AHRR: variants seen among roughly 807,000 people sequenced by gnomAD.
AHRR encodes the protein ahR repressor.
Under a neutral mutation model 44.0 loss-of-function variants are expected in AHRR, and 28 were observed. The observed-to-expected ratio is 0.64, with a 90% CI of 0.47 to 0.87. The LOEUF (loss-of-function observed/expected upper bound fraction) is 0.87. Ranked by LOEUF, AHRR falls within the 40% of genes least tolerant of loss-of-function variation. The pLI, the probability that AHRR is intolerant of heterozygous loss-of-function variation, is 0.00. For synonymous variants in AHRR, 434 were observed against 407.0 expected (o/e 1.07, Z -0.80); for missense variants, 990 against 953.9 (o/e 1.04, Z -0.50).
Position 370,539 on chromosome 5 carries a change from G to A in AHRR, c.245-6071G>A, listed in dbSNP as rs987858857. On this transcript the variant is annotated intron_variant, in intron 3 of 10. Transcript: ENST00000684583. This position sits in a 1 kb window ranked among gnomAD's most constrained non-coding sequence, Gnocchi z 4.5. The stretch of plus-strand genomic sequence containing the variant: ...GGTCATCCGCCACCCCCAGGACCCT[G>A]AGAGTCTCACAGTGGGTGCAGCCCC... Among the ~76,000 whole-genome samples the A allele has an allele frequency of 6.6e-6, 1 of 152,200 alleles. No individual in the cohort carries two copies. The highest frequency in any genetic ancestry group is 2.4e-5 in the African/African-American group (1 of 41,452).
chr5:420,390 G>A (rs1456534273), intron 5 of AHRR, among the ~76,000 whole-genome samples: 3 of 149,606 alleles, frequency 2.0e-5, no homozygotes. Context: ...GCTGGGAGGA[G>A]TGCGGACTCC....
intron 4 of AHRR, among the ~76,000 whole-genome samples, chr5:377,388 C>T (rs1014256716): frequency 1.3e-5 from 2 of 152,186 alleles, no homozygotes; most frequent in Non-Finnish European, 2.9e-5. Context: ...GCTGGAGAGA[C>T]ATGGGCCCTG....
At chr5:365,301 T>A (rs945516566) in intron 3 of AHRR, among the ~76,000 whole-genome samples, 1 of 152,156 alleles carries the variant, frequency 6.6e-6, no homozygotes, top group Non-Finnish European at 1.5e-5. Flanking sequence ...TGAAGAATAA[T>A]GAGGTGGGAC....
intron 3 of AHRR, among the ~76,000 whole-genome samples, chr5:363,713 C>G (rs1449917583): frequency 1.3e-5 from 2 of 152,208 alleles, no homozygotes; most frequent in Non-Finnish European, 2.9e-5. Flanking sequence ...TAGGCACTTG[C>G]AGGCCTCGTG....
At chr5:427,719 G>T in intron 7 of AHRR, 88 bp from the exon 8 acceptor site, 1 of 1,613,862 alleles carries the variant, frequency 6.2e-7, no homozygotes, top group Non-Finnish European at 8.5e-7. Flanking sequence ...AATTCCAGCC[G>T]CTGTCGCGCC....
Position 337,482 on chromosome 5 carries a change from G to A in AHRR, c.-10-6411G>A, listed in dbSNP as rs968581605. ...CAGCCTTGACCTCCCAGGCTCAAGC[G>A]ATACTCCTGCCTTAGTCTCCTGAGT... On this transcript the variant is annotated intron_variant, in intron 1 of 10. Transcript: ENST00000684583. This position sits in a 1 kb window ranked among gnomAD's most constrained non-coding sequence, Gnocchi z 4.1. Among the ~76,000 whole-genome samples, 2 of 152,140 alleles carry A rather than the reference G, an allele frequency of 1.3e-5. No homozygotes were observed. Among genetic ancestry groups the A allele is most frequent in the Non-Finnish European group, 2.9e-5 (2 of 68,034 alleles).
rs570983772 is a variant in AHRR at position 434,105 on chromosome 5, G to A, written c.1365G>A (p.Pro455=). Residue 455 remains proline (P), a synonymous_variant, in exon 11 of 11, where the codon CCG becomes CCA. Coordinates refer to ENST00000684583, the MANE Select transcript of AHRR (RefSeq NM_001377236.1). Reference sequence around the variant, plus strand: ...CGCCCATCTCTCACCCGCCGAGCCCGTCCCCCAGTGCCTACTCCAGCCGGA... The same window carrying A: ...CGCCCATCTCTCACCCGCCGAGCCCATCCCCCAGTGCCTACTCCAGCCGGA... ...RNSPISHPPS[P]SPSAYSSRTS... The A allele has an allele frequency of 2.2e-5, 36 of 1,612,992 alleles. No homozygotes were observed. Among genetic ancestry groups the A allele is most frequent in the South Asian group, 9.9e-5 (9 of 91,014 alleles).
Position 399,097 on chromosome 5 carries a change from G to A in AHRR, c.352-14247G>A, listed in dbSNP as rs531116302. 4.6e-5 allele frequency among the ~76,000 whole-genome samples: 7 copies of A among 152,360 alleles called. No individual in the cohort carries two copies. The South Asian group carries it at 1.0e-3, about 23-fold the overall frequency. ...CTTCCTTGTCTGCTCTGAAGCAGCTGGGTCAGCGCGGAGCTCCCTCGGGCT... is the reference window on the plus strand; with the variant it reads ...CTTCCTTGTCTGCTCTGAAGCAGCTAGGTCAGCGCGGAGCTCCCTCGGGCT... On this transcript the variant is annotated intron_variant, in intron 4 of 10. Coordinates refer to ENST00000684583, the MANE Select transcript of AHRR (RefSeq NM_001377236.1).
In AHRR at chr5:344,075, G is replaced by T. The variant is rs1012542289; in HGVS notation, c.62+111G>T. 7 of 1,221,834 alleles carry T rather than the reference G, an allele frequency of 5.7e-6. No individual in the cohort carries two copies. The Admixed American group carries it at 1.5e-4, about 27-fold the overall frequency. The allele number at this position is 1,221,834 out of a possible 1,614,324, so 75.7% of individuals were successfully genotyped here. On this transcript the variant is annotated intron_variant, in intron 2 of 10. Transcript: ENST00000684583. The stretch of plus-strand genomic sequence containing the variant: ...GAACAGGGCGAGCGAGGAAGGCTTC[G>T]GGAGCCGGGCGGGCCGGGGCTGAGC...
Position 415,277 on chromosome 5 carries a change from GGTGATTAA to G in AHRR, c.441+1845_441+1852del, listed in dbSNP as rs1283782996. On this transcript the variant is annotated intron_variant, in intron 5 of 10. Transcript: ENST00000684583. ...TCACGCTGAGCCAGAGGCAGCACACGGTGATTAAAGCAAAAATCTGCCTGGTCGGGTGG... is the reference window on the plus strand; with the variant it reads ...TCACGCTGAGCCAGAGGCAGCACACGAGCAAAAATCTGCCTGGTCGGGTGG... Among the ~76,000 whole-genome samples the G allele has an allele frequency of 2.6e-5, 4 of 152,382 alleles. No individual in the cohort carries two copies. The East Asian group carries it at 7.7e-4, about 29-fold the overall frequency.
At chr5:353,992 G>T (rs1742956298) in intron 3 of AHRR, 81 bp downstream of exon 3, 1 of 1,444,192 alleles carries the variant, frequency 6.9e-7, no homozygotes. Context: ...TTGTGGCCAG[G>T]TGAAGTGTGT....
chr5:324,546 G>T (rs1381524238), intron 1 of AHRR, among the ~76,000 whole-genome samples: 1 of 151,828 alleles, frequency 6.6e-6, no homozygotes. Flanking sequence ...AGCACCTTGG[G>T]AGGCTGAGGC....
intron 3 of AHRR, among the ~76,000 whole-genome samples, chr5:372,672 G>A (rs920512269): frequency 2.0e-5 from 3 of 152,092 alleles, no homozygotes; most frequent in Non-Finnish European, 4.4e-5. Flanking sequence ...CCCACCCTCC[G>A]TCTGCACCGC....
At chr5:371,186 C>T (rs563482793) in intron 3 of AHRR, among the ~76,000 whole-genome samples, 2 of 152,298 alleles carry the variant, frequency 1.3e-5, no homozygotes, top group South Asian at 4.1e-4. Context: ...TCTCTCCAGC[C>T]CCCCATGGAC....
chr5:396,455 G>C (rs1049265998), intron 4 of AHRR, among the ~76,000 whole-genome samples: 4 of 152,190 alleles, frequency 2.6e-5, no homozygotes, highest in African/African-American at 9.7e-5. Flanking sequence ...CGTGGAGAGA[G>C]CTCCATGATG....
In AHRR at chr5:421,186, G is replaced by A. The variant is rs1028315069; in HGVS notation, c.442-1543G>A. 89 of 631,322 alleles carry A rather than the reference G, an allele frequency of 1.4e-4. No homozygotes were observed. The East Asian group carries it at 2.3e-3, about 16-fold the overall frequency. The allele number at this position is 631,322 out of a possible 1,614,324, so 39.1% of individuals were successfully genotyped here. ...GCCGCTCTGGCGCCCGGCTGGTGCCGGGCAGGAGGCCCTTGCGGACCCAGC... is the reference window on the plus strand; with the variant it reads ...GCCGCTCTGGCGCCCGGCTGGTGCCAGGCAGGAGGCCCTTGCGGACCCAGC... On this transcript the variant is annotated intron_variant, in intron 5 of 10. Transcript: ENST00000684583.
At chr5:394,024 A>C (rs910948917) in intron 4 of AHRR, among the ~76,000 whole-genome samples, 2 of 152,278 alleles carry the variant, frequency 1.3e-5, no homozygotes, top group Admixed American at 1.3e-4. Context: ...GGTTCTGGAC[A>C]TTCTGTGTCT....
At chr5:356,168 T>G (rs1743037780) in intron 3 of AHRR, among the ~76,000 whole-genome samples, 1 of 152,204 alleles carries the variant, frequency 6.6e-6, no homozygotes, top group African/African-American at 2.4e-5. Context: ...GTGATTTTAC[T>G]ATTCACACCA....
At chr5:335,848 A>G (rs1201841879) in intron 1 of AHRR, among the ~76,000 whole-genome samples, 1 of 152,196 alleles carries the variant, frequency 6.6e-6, no homozygotes, top group Non-Finnish European at 1.5e-5. Flanking sequence ...GCTCAAGACC[A>G]GGCCCCCATG....
Sources: allele counts gnomAD v4.1 joint callset (sites outside exome capture counted in the v4.1 genomes callset), GRCh38; gene constraint gnomAD v4.1.1; non-coding constraint Gnocchi (gnomAD v3.1); transcripts MANE v1.5; gene names NCBI Gene and HGNC (gene_info 2026-07-23, HGNC 2026-07-21).